PDE3B: variants seen among roughly 807,000 people sequenced by gnomAD.
The protein encoded by PDE3B is cGMP-inhibited 3',5'-cyclic phosphodiesterase 3B.
Under a neutral mutation model 116.8 loss-of-function variants are expected in PDE3B, and 66 were observed. The observed-to-expected ratio is 0.56, with a 90% CI of 0.46 to 0.69. The LOEUF (loss-of-function observed/expected upper bound fraction) is 0.69, where lower values mean the gene tolerates loss of function less well. PDE3B is among the 30% of genes least tolerant of loss of function. The probability of loss-of-function intolerance (pLI) is 0.00; values close to 1 mark genes in which losing one functional copy is unlikely to be tolerated. For synonymous variants in PDE3B, 595 were observed against 533.6 expected, an observed-to-expected ratio of 1.12 and a Z score of -1.59; for missense variants, 1,384 against 1,368.1, an observed-to-expected ratio of 1.01 and a Z score of -0.18.
chr11:14,843,367 A>T (rs566183266), intron 11 of PDE3B, among the ~76,000 whole-genome samples: 15 of 152,350 alleles, frequency 9.8e-5, no homozygotes, highest in African/African-American at 1.4e-4. Flanking sequence ...ATCTTTCCGG[A>T]TGAGATTTGA....
chr11:14,644,792 G>T lies in PDE3B; in HGVS notation c.717G>T (p.Ser239=). 6.2e-7 allele frequency: 1 copy of T among 1,609,860 alleles called. No homozygotes were observed. The highest frequency in any genetic ancestry group is 1.1e-5 in the South Asian group (1 of 90,628). The change falls in exon 1 of 16, where the codon TCG becomes TCT. Residue 239 remains serine, a synonymous_variant. Coordinates refer to ENST00000282096, the MANE Select transcript of PDE3B (RefSeq NM_000922.4). ...GGGTCTCCTTCACCAGCCTCGGGTC[G>T]CTGCCCTCCGCCCTCAGGCCGCTGC... ...VWWVSFTSLG[S]LPSALRPLLS...
intron 1 of PDE3B, among the ~76,000 whole-genome samples, chr11:14,749,988 A>C (rs962305657): frequency 2.1e-5 from 3 of 146,050 alleles, no homozygotes; most frequent in Non-Finnish European, 4.5e-5. Flanking sequence ...CAGTAGTGTA[A>C]GTTCCAATCT....
At chr11:14,807,744 C>A (rs1486188538) in intron 5 of PDE3B, among the ~76,000 whole-genome samples, 1 of 151,932 alleles carries the variant, frequency 6.6e-6, no homozygotes, top group African/African-American at 2.4e-5. Flanking sequence ...ACTTTACGCT[C>A]CAATTAAAAG....
chr11:14,832,218 T>C (rs1859906796), intron 9 of PDE3B, among the ~76,000 whole-genome samples: 1 of 152,154 alleles, frequency 6.6e-6, no homozygotes, highest in African/African-American at 2.4e-5. Context: ...TTATACCTGA[T>C]GGGTCCGCAT....
chr11:14,654,638 T>C (rs1853656671), intron 1 of PDE3B, among the ~76,000 whole-genome samples: 1 of 152,154 alleles, frequency 6.6e-6, no homozygotes, highest in East Asian at 1.9e-4. Flanking sequence ...CAATGTCTTC[T>C]AAGAGAACAG....
chr11:14,783,721 C>T (rs1292438577), intron 2 of PDE3B, among the ~76,000 whole-genome samples: 1 of 151,888 alleles, frequency 6.6e-6, no homozygotes, highest in Non-Finnish European at 1.5e-5. Context: ...TGTAACAAAC[C>T]TGCACATTGT....
rs139065559 is a variant in PDE3B, at chr11:14,865,261, G to A, written c.2887-2245G>A. The stretch of plus-strand genomic sequence containing the variant: ...TGAATCTGCCATTTTTTGGGGTCCC[G>A]TTTTGAGGCTTCCTACAATGTAGGA... On this transcript the variant is annotated intron_variant, in intron 14 of 15. Transcript: ENST00000282096. Among the ~76,000 whole-genome samples the A allele has an allele frequency of 2.7e-4, 41 of 152,190 alleles. 1 individual carries two copies. In the East Asian group the frequency reaches 4.4e-3, roughly 16 times the overall value.
chr11:14,829,683 C>T (rs1859809179), intron 7 of PDE3B, among the ~76,000 whole-genome samples: 1 of 151,802 alleles, frequency 6.6e-6, no homozygotes, highest in African/African-American at 2.4e-5. Context: ...GATACTGGGG[C>T]CTACCTGATG....
chr11:14,881,626 C>A, the PDE3B span, among the ~76,000 whole-genome samples: 1 of 152,006 alleles, frequency 6.6e-6, no homozygotes, highest in African/African-American at 2.4e-5. Context: ...CTTACAACAT[C>A]CCCTTGGTGA....
intron 1 of PDE3B, among the ~76,000 whole-genome samples, chr11:14,718,600 A>G (rs1352869488): frequency 6.7e-6 from 1 of 149,812 alleles, no homozygotes; most frequent in Non-Finnish European, 1.5e-5. Flanking sequence ...TCAAACTAGA[A>G]CTCAGGATTA....
At chr11:14,670,350 A>C (rs1212227471) in intron 1 of PDE3B, among the ~76,000 whole-genome samples, 1 of 152,290 alleles carries the variant, frequency 6.6e-6, no homozygotes, top group East Asian at 1.9e-4. Context: ...CCTAGCAGAT[A>C]CTGTTAATAA....
chr11:14,817,903 G>A (rs1859383382), intron 5 of PDE3B, among the ~76,000 whole-genome samples: 2 of 152,128 alleles, frequency 1.3e-5, no homozygotes, highest in South Asian at 4.1e-4. Context: ...CATACAGTAT[G>A]TATGTTTTAG....
chr11:14,668,928 A>T (rs1326319258), intron 1 of PDE3B, among the ~76,000 whole-genome samples: 1 of 152,200 alleles, frequency 6.6e-6, no homozygotes, highest in South Asian at 2.1e-4. Context: ...GTTGCCTTCC[A>T]TTCTTGCACA....
the PDE3B span, among the ~76,000 whole-genome samples, chr11:14,881,037 T>C: frequency 6.6e-6 from 1 of 152,062 alleles, no homozygotes; most frequent in African/African-American, 2.4e-5. Context: ...TTTAACCTGG[T>C]GAAATAGGCC....
rs754260702 is a variant in PDE3B, at chr11:14,644,925, G to C, written c.850G>C (p.Glu284Gln). Residue 284 changes from glutamate to glutamine, a missense_variant, in exon 1 of 16, where the codon GAA (glutamate) becomes CAA (glutamine). Glu to Gln is a conservative substitution (Grantham distance 29). Transcript: ENST00000282096. ...LHPRLSSAAE[E>Q]KVPVIRPRRR... ...TCCTCGACTGTCCAGTGCCGCCGAA[G>C]AAAAAGTGCCTGTGATCCGACCCCG... The C allele has an allele frequency of 3.1e-6, 5 of 1,614,188 alleles. No homozygotes were observed. Among genetic ancestry groups the C allele is most frequent in the Non-Finnish European group, 4.2e-6 (5 of 1,180,040 alleles).
chr11:14,742,312 T>A (rs1270643307), intron 1 of PDE3B, among the ~76,000 whole-genome samples: 2 of 152,200 alleles, frequency 1.3e-5, no homozygotes, highest in Non-Finnish European at 2.9e-5. Context: ...TCTCTAATCT[T>A]CTTGCTTTAT....
chr11:14,822,512 G>A (rs956607101), intron 7 of PDE3B, among the ~76,000 whole-genome samples: 7 of 152,092 alleles, frequency 4.6e-5, no homozygotes, highest in African/African-American at 1.2e-4. Flanking sequence ...AGCCTCCCTC[G>A]CCCAGGGAAG....
At chr11:14,768,405 A>G (rs530049572) in intron 1 of PDE3B, among the ~76,000 whole-genome samples, 41 of 151,632 alleles carry the variant, frequency 2.7e-4, no homozygotes, top group Admixed American at 5.3e-4. Flanking sequence ...ACAGTTTACC[A>G]TAAGTATTTC....
At chr11:14,783,894 C>G (rs943582771) in intron 2 of PDE3B, among the ~76,000 whole-genome samples, 1 of 152,190 alleles carries the variant, frequency 6.6e-6, no homozygotes, top group African/African-American at 2.4e-5. Context: ...CAGTACCGGT[C>G]TGTGGCCTGT....
Sources: allele counts gnomAD v4.1 joint callset (sites outside exome capture counted in the v4.1 genomes callset), GRCh38; gene constraint gnomAD v4.1.1; transcripts MANE v1.5; gene names NCBI Gene and HGNC (gene_info 2026-07-23, HGNC 2026-07-21).